PCDHGB7: variants seen among roughly 807,000 people sequenced by gnomAD.
The protein encoded by PCDHGB7 is protocadherin gamma subfamily B, 7.
In PCDHGB7, 37 loss-of-function variants were observed where a neutral mutation model predicts 61.4. The ratio of observed to expected loss-of-function variants is 0.60; its 90% confidence interval spans 0.46 to 0.79. The LOEUF (loss-of-function observed/expected upper bound fraction) is 0.79. Among genes scored for constraint, PCDHGB7 ranks in the 30% least tolerant of loss-of-function variants. The probability of loss-of-function intolerance (pLI) is 0.00; values close to 1 mark genes in which losing one functional copy is unlikely to be tolerated. For missense variants in PCDHGB7, 1,166 were observed against 1,202.5 expected (o/e 0.97, Z 0.45); for synonymous variants, 464 against 503.5 (o/e 0.92, Z 1.05).
intron 1 of PCDHGB7, among the ~76,000 whole-genome samples, chr5:141,438,587 CAT>C (rs1372372472): frequency 3.8e-4 from 28 of 73,432 alleles, no homozygotes; most frequent in African/African-American, 1.4e-3. Flanking sequence ...TACATACATA[CAT>C]ACATATATAT....
At position 141,490,346 on chromosome 5, in the gene PCDHGB7, T is replaced by G. The variant is rs1396321935; in HGVS notation, c.2416-4461T>G. 1.2e-6 allele frequency: 2 copies of G among 1,614,046 alleles called. No individual in the cohort carries two copies. Among genetic ancestry groups the G allele is most frequent in the African/African-American group, 2.7e-5 (2 of 74,900 alleles). ...GAGAGCACACCAGTGGGCACAGTAG[T>G]GGGGTTGTTTAATGTGCGAGACCGG... On this transcript the variant is annotated intron_variant, in intron 1 of 3. Coordinates refer to ENST00000398594, the MANE Select transcript of PCDHGB7 (RefSeq NM_018927.4). This position sits in a 1 kb window ranked among gnomAD's most constrained non-coding sequence, Gnocchi z 5.4.
chr5:141,470,650 T>C (rs2099235744), intron 1 of PCDHGB7, among the ~76,000 whole-genome samples: 1 of 152,184 alleles, frequency 6.6e-6, no homozygotes, highest in Non-Finnish European at 1.5e-5. Context: ...TGAAGGCCCC[T>C]ACCCTTTGGT....
At chr5:141,420,462 G>T in intron 1 of PCDHGB7, 188 bp downstream of exon 1, 2 of 892,618 alleles carry the variant, frequency 2.2e-6, no homozygotes. Context: ...ACTATTCAAA[G>T]ACATTTTAAA....
In PCDHGB7 at chr5:141,491,491, G is replaced by C. The variant is rs2099717103; in HGVS notation, c.2416-3316G>C. The C allele has an allele frequency of 1.2e-6, 2 of 1,614,042 alleles. No homozygotes were observed. The highest frequency in any genetic ancestry group is 1.7e-5 in the Admixed American group (1 of 60,016). The stretch of plus-strand genomic sequence containing the variant: ...TAAGCAGTCCAGCCCCAACCTGCAG[G>C]TGAGCTCGGACGGCACGCTCAAGTA... On this transcript the variant is annotated intron_variant, in intron 1 of 3. Transcript: ENST00000398594. The surrounding 1 kb of genome is among the most constrained non-coding windows in gnomAD (Gnocchi z 6.9).
chr5:141,498,002 C>T (rs1442305270), intron 2 of PCDHGB7, among the ~76,000 whole-genome samples: 2 of 152,178 alleles, frequency 1.3e-5, no homozygotes, highest in East Asian at 1.9e-4. Flanking sequence ...AAGGAGTTTA[C>T]AGTGCACTGA....
chr5:141,421,357 T>A lies in PCDHGB7; in HGVS notation c.2415+1083T>A, dbSNP rs761522510. ...GGTGCCAGAAGAGACCGAAAAGGGC[T>A]CCTTCGTGGGCAATATCTCCAAGGA... On this transcript the variant is annotated intron_variant, in intron 1 of 3. Coordinates refer to ENST00000398594, the MANE Select transcript of PCDHGB7 (RefSeq NM_018927.4). 4.3e-6 allele frequency: 7 copies of A among 1,613,976 alleles called. 1 individual carries two copies. The South Asian group carries it at 7.7e-5, about 18-fold the overall frequency.
At position 141,487,855 on chromosome 5, in the gene PCDHGB7, A is replaced by T; in HGVS notation, c.2416-6952A>T. 1 of 974,210 alleles carries T rather than the reference A, an allele frequency of 1.0e-6. No homozygotes were observed. 60.3% of individuals were successfully genotyped at this position (974,210 alleles called of 1,614,324 possible). A position where few individuals can be genotyped will look rare whatever the true frequency, so the allele number is the denominator to read the frequency against. On this transcript the variant is annotated intron_variant, in intron 1 of 3. Coordinates refer to ENST00000398594, the MANE Select transcript of PCDHGB7 (RefSeq NM_018927.4). This position sits in a 1 kb window ranked among gnomAD's most constrained non-coding sequence, Gnocchi z 5.0. Reference sequence around the variant, plus strand: ...TATATCTGAGTAAGAAATGAAAGTAATTGGTGATCAAGAGCCAGGCTGTTG... The same window carrying T: ...TATATCTGAGTAAGAAATGAAAGTATTTGGTGATCAAGAGCCAGGCTGTTG...
intron 1 of PCDHGB7, among the ~76,000 whole-genome samples, chr5:141,494,547 C>T (rs2099755185): frequency 6.6e-6 from 1 of 152,106 alleles, no homozygotes; most frequent in East Asian, 1.9e-4. Context: ...GAGGAAGGGG[C>T]CATTTCTTTA....
chr5:141,433,256 C>T, intron 1 of PCDHGB7: 2 of 1,385,666 alleles, frequency 1.4e-6, no homozygotes, highest in Non-Finnish European at 2.0e-6. Context: ...TGCAGCGGTA[C>T]GATCATAGCT....
At position 141,431,203 on chromosome 5, in the gene PCDHGB7, T is replaced by C. The variant is rs139061906; in HGVS notation, c.2415+10929T>C. On this transcript the variant is annotated intron_variant, in intron 1 of 3. Coordinates refer to ENST00000398594, the MANE Select transcript of PCDHGB7 (RefSeq NM_018927.4). This position sits in a 1 kb window ranked among gnomAD's most constrained non-coding sequence, Gnocchi z 4.8. ...TAAAAATTAGTGAAAATGCAGCCACTGAGATGCGGTTCCCTCTACCCCACG... is the reference window on the plus strand; with the variant it reads ...TAAAAATTAGTGAAAATGCAGCCACCGAGATGCGGTTCCCTCTACCCCACG... The C allele has an allele frequency of 3.1e-6, 5 of 1,614,116 alleles. No individual in the cohort carries two copies. The highest frequency in any genetic ancestry group is 1.1e-5 in the South Asian group (1 of 91,090).
At chr5:141,421,222 C>T in intron 1 of PCDHGB7, 1 of 1,576,946 alleles carries the variant, frequency 6.3e-7, no homozygotes, top group Non-Finnish European at 8.6e-7. Flanking sequence ...CGGCTTAGAG[C>T]CTGCCATGGC....
chr5:141,457,891 T>C (rs2154566084), intron 1 of PCDHGB7, among the ~76,000 whole-genome samples: 1 of 152,346 alleles, frequency 6.6e-6, no homozygotes, highest in South Asian at 2.1e-4. Context: ...GTGTGGGGAC[T>C]GTGTAGACAA....
chr5:141,467,912 G>A (rs879405529), intron 1 of PCDHGB7, among the ~76,000 whole-genome samples: 1 of 152,086 alleles, frequency 6.6e-6, no homozygotes, highest in Admixed American at 6.6e-5. Context: ...GCCCACCTCA[G>A]CCTCCCAAAA....
chr5:141,476,062 A>G lies in PCDHGB7; in HGVS notation c.2416-18745A>G, dbSNP rs2099384587. On this transcript the variant is annotated intron_variant, in intron 1 of 3. Coordinates refer to ENST00000398594, the MANE Select transcript of PCDHGB7 (RefSeq NM_018927.4). This position sits in a 1 kb window ranked among gnomAD's most constrained non-coding sequence, Gnocchi z 7.6. ...AGCGCTAACCCGCTGAAAGTTTCTC[A>G]GCGAAATCTCAGGGACGATCTGGAC... The G allele has an allele frequency of 1.8e-5, 27 of 1,509,766 alleles. No individual in the cohort carries two copies. Among genetic ancestry groups the G allele is most frequent in the Non-Finnish European group, 2.3e-5 (26 of 1,136,920 alleles). The allele number at this position is 1,509,766 out of a possible 1,614,324, so 93.5% of individuals were successfully genotyped here.
At chr5:141,456,020 C>A (rs2098840631) in intron 1 of PCDHGB7, among the ~76,000 whole-genome samples, 2 of 151,952 alleles carry the variant, frequency 1.3e-5, no homozygotes, top group South Asian at 4.2e-4. Flanking sequence ...GCCTCAGCCT[C>A]CCGAGTAGCT....
At chr5:141,441,886 A>C (rs2098281968) in intron 1 of PCDHGB7, 1 of 345,040 alleles carries the variant, frequency 2.9e-6, no homozygotes, top group Non-Finnish European at 5.6e-6. Flanking sequence ...CCTGGTCACC[A>C]AGGTGGTGGC....
chr5:141,501,288 T>TATACACATAC (rs201660636), intron 2 of PCDHGB7, among the ~76,000 whole-genome samples: 2 of 81,228 alleles, frequency 2.5e-5, no homozygotes, highest in African/African-American at 9.9e-5. Flanking sequence ...GATATTCCCT[T>TATACACATAC]ATACACACAC....
intron 1 of PCDHGB7, among the ~76,000 whole-genome samples, chr5:141,435,412 T>C (rs2097761991): frequency 6.6e-6 from 1 of 152,222 alleles, no homozygotes; most frequent in Non-Finnish European, 1.5e-5. Flanking sequence ...TGGTAAAGAC[T>C]ATTTTTCACT....
chr5:141,489,994 C>A lies in PCDHGB7; in HGVS notation c.2416-4813C>A, dbSNP rs1307285048. The A allele has an allele frequency of 1.2e-5, 19 of 1,614,192 alleles. No individual in the cohort carries two copies. The highest frequency in any genetic ancestry group is 1.6e-4 in the Middle Eastern group (1 of 6,062). On this transcript the variant is annotated intron_variant, in intron 1 of 3. Transcript: ENST00000398594. This position sits in a 1 kb window ranked among gnomAD's most constrained non-coding sequence, Gnocchi z 4.5. Reference sequence around the variant, plus strand: ...ATCCTCAGTTCTACGTGTGGGAATCCCAGAGAATGCACCCATTGGTACTCT... The same window carrying A: ...ATCCTCAGTTCTACGTGTGGGAATCACAGAGAATGCACCCATTGGTACTCT...
Sources: allele counts gnomAD v4.1 joint callset (sites outside exome capture counted in the v4.1 genomes callset), GRCh38; gene constraint gnomAD v4.1.1; non-coding constraint Gnocchi (gnomAD v3.1); transcripts MANE v1.5; gene names NCBI Gene and HGNC (gene_info 2026-07-23, HGNC 2026-07-21).